LAMA2: variants seen among roughly 807,000 people sequenced by gnomAD.
The protein encoded by LAMA2 is laminin subunit alpha-2.
In LAMA2, 269 loss-of-function variants were observed where a neutral mutation model predicts 364.8. That is an observed-to-expected ratio of 0.74 (90% CI 0.67 to 0.82). The LOEUF is 0.82. Ranked by LOEUF, LAMA2 falls within the 40% of genes least tolerant of loss-of-function variation. LAMA2 has a pLI of 0.00. For synonymous variants in LAMA2, 1,379 were observed against 1,370.6 expected (o/e 1.01, Z -0.14); for missense variants, 3,807 against 3,873.2 (o/e 0.98, Z 0.45).
At chr6:129,229,666 A>G (rs1013926392) in intron 12 of LAMA2, among the ~76,000 whole-genome samples, 1 of 152,148 alleles carries the variant, frequency 6.6e-6, no homozygotes, top group Non-Finnish European at 1.5e-5. Flanking sequence ...GTCTTGGACC[A>G]CAGTGATAAT....
chr6:128,911,468 G>A (rs947686721), intron 1 of LAMA2, among the ~76,000 whole-genome samples: 1 of 152,138 alleles, frequency 6.6e-6, no homozygotes, highest in African/African-American at 2.4e-5. Flanking sequence ...CGCTTCCCGA[G>A]TGAGGCAATG....
At chr6:129,445,640 C>T (rs781029310) in intron 44 of LAMA2, 27 bp from the exon 45 acceptor site, 2 of 1,604,634 alleles carry the variant, frequency 1.2e-6, no homozygotes, top group Non-Finnish European at 1.7e-6. Flanking sequence ...CATGCATATA[C>T]ATGCACACTA....
chr6:129,314,835 TG>T, intron 24 of LAMA2, 37 bp downstream of exon 24: 1 of 1,610,566 alleles, frequency 6.2e-7, no homozygotes, highest in East Asian at 2.2e-5. Context: ...AATGGTATAA[TG>T]TTAGTTCCTG....
At chr6:129,137,000 C>T (rs1206273618) in intron 4 of LAMA2, among the ~76,000 whole-genome samples, 1 of 152,096 alleles carries the variant, frequency 6.6e-6, no homozygotes, top group Non-Finnish European at 1.5e-5. Context: ...GTATCGAAAG[C>T]ATAATACCTT....
At chr6:129,109,334 C>T (rs1203798227) in intron 4 of LAMA2, among the ~76,000 whole-genome samples, 2 of 152,072 alleles carry the variant, frequency 1.3e-5, no homozygotes, top group African/African-American at 4.8e-5. Context: ...GCATTGTACA[C>T]GTTTCAGTTT....
intron 30 of LAMA2, among the ~76,000 whole-genome samples, chr6:129,348,756 G>C (rs770379316): frequency 6.6e-6 from 1 of 152,066 alleles, no homozygotes; most frequent in Non-Finnish European, 1.5e-5. Context: ...GTAAAATGTA[G>C]TTTGAAATCT....
intron 3 of LAMA2, among the ~76,000 whole-genome samples, chr6:129,086,638 A>G (rs954342563): frequency 6.6e-6 from 1 of 152,260 alleles, no homozygotes; most frequent in Non-Finnish European, 1.5e-5. Flanking sequence ...AACTGGATCT[A>G]TGAAGTTGCT....
Position 129,190,289 on chromosome 6 carries a change from T to C in LAMA2, c.1552T>C (p.Cys518Arg). ...GGATAATTGGAAAGGCTGCGATGAG[T>C]GTTTCTGTTCAGGGGTTTCAAACAG... ...QEDNWKGCDE[C>R]FCSGVSNRCQ... is the part of the protein sequence containing the mutation. Residue 518 changes from cysteine to arginine, a missense_variant, in exon 11 of 65, where the codon TGT becomes CGT. Coordinates refer to ENST00000421865, the MANE Select transcript of LAMA2 (RefSeq NM_000426.4). The C allele has an allele frequency of 6.2e-7, 1 of 1,613,702 alleles. No homozygotes were observed. Among genetic ancestry groups the C allele is most frequent in the East Asian group, 2.2e-5 (1 of 44,854 alleles).
chr6:128,932,492 C>T (rs758727632), intron 1 of LAMA2, among the ~76,000 whole-genome samples: 14 of 151,986 alleles, frequency 9.2e-5, no homozygotes, highest in Admixed American at 5.2e-4. Flanking sequence ...TACAGAGAAG[C>T]GTAACAGAGC....
chr6:128,907,704 T>A (rs1777584038), intron 1 of LAMA2, among the ~76,000 whole-genome samples: 3 of 152,196 alleles, frequency 2.0e-5, no homozygotes, highest in Non-Finnish European at 4.4e-5. Flanking sequence ...GGCATCCCTG[T>A]CTTGTGCCAG....
At chr6:129,212,874 TG>T (rs1783189651) in intron 12 of LAMA2, among the ~76,000 whole-genome samples, 1 of 152,230 alleles carries the variant, frequency 6.6e-6, no homozygotes, top group Non-Finnish European at 1.5e-5. Flanking sequence ...AAATATTCTC[TG>T]CAAGAGAAGC....
At position 129,465,302 on chromosome 6, in the gene LAMA2, A is replaced by G. The variant is rs1276862293; in HGVS notation, c.7300+13A>G. The stretch of plus-strand genomic sequence containing the variant: ...ATTCAAAAACAAGGTGAGTTTTTAC[A>G]GTAATAATGCAATATAGGCCTTAAT... On this transcript the variant is annotated intron_variant, in intron 51 of 64. Transcript: ENST00000421865. 1 of 1,599,120 alleles carries G rather than the reference A, an allele frequency of 6.3e-7. No homozygotes were observed. The highest frequency in any genetic ancestry group is 8.6e-7 in the Non-Finnish European group (1 of 1,168,002).
chr6:129,413,895 A>T (rs1780660098), intron 40 of LAMA2, among the ~76,000 whole-genome samples: 1 of 152,150 alleles, frequency 6.6e-6, no homozygotes, highest in South Asian at 2.1e-4. Context: ...TAAAAGCAGA[A>T]ATTAATGACC....
Position 129,059,731 on chromosome 6 carries a change from C to T in LAMA2, c.284-53C>T, listed in dbSNP as rs1027349626. 5 of 1,088,078 alleles carry T rather than the reference C, an allele frequency of 4.6e-6. No individual in the cohort carries two copies. The Admixed American group carries it at 8.5e-5, about 18-fold the overall frequency. The allele number at this position is 1,088,078 out of a possible 1,614,324, so 67.4% of individuals were successfully genotyped here. A position where few individuals can be genotyped will look rare whatever the true frequency, so the allele number is the denominator to read the frequency against. On this transcript the variant is annotated intron_variant, in intron 2 of 64. Transcript: ENST00000421865. ...TTTACTTTAAAGAAAAAGCTATAAA[C>T]TAGTTATATGATCTTTTCTTCTTCC...
intron 37 of LAMA2, among the ~76,000 whole-genome samples, chr6:129,396,945 C>A: frequency 7.1e-6 from 1 of 141,100 alleles, no homozygotes. Flanking sequence ...CACAGCACTC[C>A]AGCCTGGATG....
At chr6:129,019,055 T>C (rs927414450) in intron 1 of LAMA2, among the ~76,000 whole-genome samples, 1 of 152,104 alleles carries the variant, frequency 6.6e-6, no homozygotes, top group Non-Finnish European at 1.5e-5. Context: ...GGATTGATTA[T>C]TCCCTATGCC....
In LAMA2 at chr6:129,221,205, C is replaced by T. The variant is rs141207317; in HGVS notation, c.1782+28352C>T. Among the ~76,000 whole-genome samples, 76 of 148,866 alleles carry T rather than the reference C, an allele frequency of 5.1e-4. No individual in the cohort carries two copies. The East Asian group carries it at 0.012, about 24-fold the overall frequency. On this transcript the variant is annotated intron_variant, in intron 12 of 64. Transcript: ENST00000421865. ...TAAAAAAAAAGCCTGAACCTAGAAACGGACCTACAAATGTCAATACTTAGT... is the reference window on the plus strand; with the variant it reads ...TAAAAAAAAAGCCTGAACCTAGAAATGGACCTACAAATGTCAATACTTAGT...
Position 129,098,268 on chromosome 6 carries a change from G to T in LAMA2, c.492G>T (p.Lys164Asn), listed in dbSNP as rs748424435. The T allele has an allele frequency of 9.3e-6, 15 of 1,614,112 alleles. No individual in the cohort carries two copies. The South Asian group carries it at 1.5e-4, about 17-fold the overall frequency. The change falls in exon 4 of 65, where the codon AAG (lysine) becomes AAT (asparagine). Residue 164 changes from lysine (K) to asparagine (N), a missense_variant. Transcript: ENST00000421865. Reference protein sequence around the residue: ...LERSLDDVEYKPWQYHAVTDT... With the variant: ...LERSLDDVEYNPWQYHAVTDT... Reference sequence around the variant, plus strand: ...GCTCTCTTGATGATGTTGAATACAAGCCCTGGCAGTATCATGCTGTGACAG... The same window carrying T: ...GCTCTCTTGATGATGTTGAATACAATCCCTGGCAGTATCATGCTGTGACAG...
chr6:129,354,768 A>G (rs1777057956), intron 32 of LAMA2, among the ~76,000 whole-genome samples: 2 of 152,166 alleles, frequency 1.3e-5, no homozygotes, highest in South Asian at 4.1e-4. Flanking sequence ...ATTTCTTTTA[A>G]AGAGAATTGG....
Sources: allele counts gnomAD v4.1 joint callset (sites outside exome capture counted in the v4.1 genomes callset), GRCh38; gene constraint gnomAD v4.1.1; transcripts MANE v1.5; gene names NCBI Gene and HGNC (gene_info 2026-07-23, HGNC 2026-07-21).